GMDS: variants seen among roughly 807,000 people sequenced by gnomAD.
The protein encoded by GMDS is GDP-mannose 4,6-dehydratase, also known as GDP-mannose 4,6 dehydratase.
Under a neutral mutation model 49.9 loss-of-function variants are expected in GMDS, and 20 were observed. The observed-to-expected ratio is 0.40, with a 90% CI of 0.28 to 0.58. The LOEUF is 0.58. Ranked by LOEUF, GMDS falls within the 20% of genes least tolerant of loss-of-function variation. The pLI is 0.42. For synonymous variants in GMDS, 177 were observed against 178.6 expected, an observed-to-expected ratio of 0.99 and a Z score of 0.07; for missense variants, 362 against 481.4, an observed-to-expected ratio of 0.75 and a Z score of 2.32.
At position 1,649,428 on chromosome 6, in the gene GMDS, T is replaced by C. The variant is rs578107183; in HGVS notation, c.988-24888A>G. Reference sequence around the variant, plus strand: ...CTCTAAATTTAACTCATGATACTTATGCCATGAACATTAAAACTGACTGTA... The same window carrying C: ...CTCTAAATTTAACTCATGATACTTACGCCATGAACATTAAAACTGACTGTA... On this transcript the variant is annotated intron_variant, in intron 9 of 10. Transcript: ENST00000380815. Among the ~76,000 whole-genome samples, 20 of 152,360 alleles carry C rather than the reference T, an allele frequency of 1.3e-4. No individual in the cohort carries two copies. The South Asian group carries it at 3.9e-3, about 30-fold the overall frequency.
At chr6:1,999,600 C>T (rs1766528519) in intron 4 of GMDS, among the ~76,000 whole-genome samples, 2 of 150,004 alleles carry the variant, frequency 1.3e-5, no homozygotes, top group Admixed American at 6.7e-5. Context: ...TAGTTGGACT[C>T]AACTGGAGGT....
intron 4 of GMDS, among the ~76,000 whole-genome samples, chr6:2,092,340 A>C (rs1404619259): frequency 6.6e-6 from 1 of 151,930 alleles, no homozygotes; most frequent in East Asian, 1.9e-4. Flanking sequence ...TTCTACTCAC[A>C]CATTGCCCTT....
At chr6:2,190,170 G>A (rs980819828) in intron 1 of GMDS, among the ~76,000 whole-genome samples, 16 of 152,036 alleles carry the variant, frequency 1.1e-4, no homozygotes, top group African/African-American at 3.6e-4. Flanking sequence ...ACCACATCAG[G>A]GAAAAAAGAG....
intron 7 of GMDS, among the ~76,000 whole-genome samples, chr6:1,899,446 T>C (rs1246647623): frequency 6.6e-6 from 1 of 152,164 alleles, no homozygotes; most frequent in Non-Finnish European, 1.5e-5. Context: ...ATGCTTGATA[T>C]GGCAAAGTGG....
At chr6:1,932,126 T>C (rs1581382185) in intron 6 of GMDS, among the ~76,000 whole-genome samples, 2 of 152,148 alleles carry the variant, frequency 1.3e-5, no homozygotes, top group African/African-American at 4.8e-5. Context: ...ATGAAGGGAC[T>C]CATCAAGCTG....
chr6:1,633,800 C>T (rs1460858893), intron 9 of GMDS, among the ~76,000 whole-genome samples: 2 of 152,216 alleles, frequency 1.3e-5, no homozygotes, highest in South Asian at 2.1e-4. Context: ...GTTGGCCTCC[C>T]GGGTGGTTTC....
intron 1 of GMDS, among the ~76,000 whole-genome samples, chr6:2,147,839 CCT>C (rs1309463872): frequency 6.9e-6 from 1 of 145,158 alleles, no homozygotes; most frequent in Non-Finnish European, 1.5e-5. Flanking sequence ...GAGCAAGTCC[CCT>C]GAGCATACTA....
intron 1 of GMDS, among the ~76,000 whole-genome samples, chr6:2,189,975 T>C (rs1269720763): frequency 6.6e-6 from 1 of 152,218 alleles, no homozygotes; most frequent in Non-Finnish European, 1.5e-5. Flanking sequence ...TAACTCGTGG[T>C]ATCAAATGTG....
chr6:1,943,027 A>G (rs1477066880), intron 6 of GMDS, among the ~76,000 whole-genome samples: 2 of 152,182 alleles, frequency 1.3e-5, no homozygotes, highest in Admixed American at 6.5e-5. Context: ...ATGCAACCAC[A>G]AGCCTCTTTC....
At chr6:1,788,970 C>A (rs1760663837) in intron 7 of GMDS, among the ~76,000 whole-genome samples, 1 of 152,162 alleles carries the variant, frequency 6.6e-6, no homozygotes. Flanking sequence ...TGCGGGTCCC[C>A]AGGTCACCTG....
chr6:2,010,405 C>CA (rs1011601362), intron 4 of GMDS, among the ~76,000 whole-genome samples: 15 of 149,282 alleles, frequency 1.0e-4, no homozygotes, highest in African/African-American at 3.4e-4. Flanking sequence ...AGTGATATAG[C>CA]AAAAATGTTG....
At chr6:1,787,316 G>A (rs999050070) in intron 7 of GMDS, among the ~76,000 whole-genome samples, 1 of 152,186 alleles carries the variant, frequency 6.6e-6, no homozygotes, top group African/African-American at 2.4e-5. Flanking sequence ...TTCAGGTACT[G>A]TACCTCCAAG....
intron 4 of GMDS, among the ~76,000 whole-genome samples, chr6:1,969,674 C>T (rs577616815): frequency 1.3e-5 from 2 of 152,208 alleles, no homozygotes; most frequent in East Asian, 3.9e-4. Flanking sequence ...TGGGTGTTGC[C>T]CTTTCCCTCT....
At chr6:1,947,885 A>T (rs1763158023) in intron 6 of GMDS, among the ~76,000 whole-genome samples, 1 of 152,186 alleles carries the variant, frequency 6.6e-6, no homozygotes, top group African/African-American at 2.4e-5. Flanking sequence ...TAACTTTTTT[A>T]ACTTGTTCAG....
intron 4 of GMDS, among the ~76,000 whole-genome samples, chr6:2,074,790 C>CACCATGCCTG (rs1772228002): frequency 6.6e-6 from 1 of 152,162 alleles, no homozygotes; most frequent in South Asian, 2.1e-4. Flanking sequence ...AAGCATGAGC[C>CACCATGCCTG]ACCATGCCTG....
chr6:2,066,013 G>A (rs886269186), intron 4 of GMDS, among the ~76,000 whole-genome samples: 17 of 152,220 alleles, frequency 1.1e-4, no homozygotes, highest in African/African-American at 4.1e-4. Flanking sequence ...GTTAAGGACA[G>A]TCAGAGAGAA....
At chr6:1,692,973 G>A (rs946575949) in intron 9 of GMDS, among the ~76,000 whole-genome samples, 3 of 152,188 alleles carry the variant, frequency 2.0e-5, no homozygotes, top group Non-Finnish European at 2.9e-5. Context: ...TGGGGCAGTA[G>A]ATATTTTTGT....
At chr6:1,955,884 C>T (rs923534959) in intron 6 of GMDS, among the ~76,000 whole-genome samples, 7 of 152,138 alleles carry the variant, frequency 4.6e-5, no homozygotes, top group Non-Finnish European at 1.0e-4. Context: ...GGTTGTTGGA[C>T]AAACTATGCT....
At chr6:1,896,232 T>A (rs937712874) in intron 7 of GMDS, among the ~76,000 whole-genome samples, 1 of 152,062 alleles carries the variant, frequency 6.6e-6, no homozygotes, top group African/African-American at 2.4e-5. Context: ...CCTCAACCCA[T>A]TAGATATGTG....
Sources: allele counts gnomAD v4.1 joint callset (sites outside exome capture counted in the v4.1 genomes callset), GRCh38; gene constraint gnomAD v4.1.1; transcripts MANE v1.5; gene names NCBI Gene and HGNC (gene_info 2026-07-23, HGNC 2026-07-21).